Variants in CDKL1 observed in about 807,000 individuals in gnomAD.
CDKL1 encodes cyclin dependent kinase like 1.
In CDKL1, 41 loss-of-function variants were observed where a neutral mutation model predicts 42.0. That is an observed-to-expected ratio of 0.98 (90% CI 0.76 to 1.27). The LOEUF is 1.27. Among genes scored for constraint, CDKL1 ranks in the 50% most tolerant of loss-of-function variants. The pLI is 0.00. For synonymous variants in CDKL1, 153 were observed against 158.6 expected, an observed-to-expected ratio of 0.96 and a Z score of 0.26; for missense variants, 394 against 428.4, an observed-to-expected ratio of 0.92 and a Z score of 0.71.
At chr14:50,336,746 A>C (rs2033298228) in intron 7 of CDKL1, among the ~76,000 whole-genome samples, 1 of 152,190 alleles carries the variant, frequency 6.6e-6, no homozygotes, top group South Asian at 2.1e-4. Flanking sequence ...ATACAGGCTC[A>C]TTAGAAGACA....
intron 6 of CDKL1, among the ~76,000 whole-genome samples, chr14:50,340,134 G>T (rs898713292): frequency 6.6e-6 from 1 of 152,102 alleles, no homozygotes; most frequent in Non-Finnish European, 1.5e-5. Context: ...AATCACTAGA[G>T]GAAACACAGC....
rs1243747859 is a variant in CDKL1, at chr14:50,327,939, G to A, written c.*2135C>T. On this transcript the variant is annotated 3_prime_UTR_variant, in exon 10 of 10. Coordinates refer to ENST00000395834, the MANE Select transcript of CDKL1 (RefSeq NM_004196.7). ...ATCAGAAAATAGTAAATAAAAGGAT[G>A]TGGAAGAGTCTCATGTGATACAGTG... is the stretch of plus-strand genomic sequence containing the variant. 6.6e-6 allele frequency: 1 copy of A among 152,112 alleles called. No homozygotes were observed. Among genetic ancestry groups the A allele is most frequent in the Non-Finnish European group, 1.5e-5 (1 of 68,022 alleles). The allele number at this position is 152,112 out of a possible 1,614,324, so 9.4% of individuals were successfully genotyped here.
chr14:50,333,411 A>G (rs938585260), intron 8 of CDKL1: 4 of 152,244 alleles, frequency 2.6e-5, no homozygotes, highest in Non-Finnish European at 5.9e-5. Flanking sequence ...CACTTTCACC[A>G]GCACCATGAC....
chr14:50,360,565 G>A (rs113671243), intron 2 of CDKL1, among the ~76,000 whole-genome samples: 8 of 151,626 alleles, frequency 5.3e-5, no homozygotes, highest in African/African-American at 1.9e-4. Flanking sequence ...ACACCACCAT[G>A]CCCAGCTAAT....
At position 50,332,790 on chromosome 14, in the gene CDKL1, A is replaced by G. The variant is rs2033032423; in HGVS notation, c.796-358T>C. 6 of 786,492 alleles carry G rather than the reference A, an allele frequency of 7.6e-6. No homozygotes were observed. In the South Asian group the frequency reaches 1.0e-4, roughly 13 times the overall value. The allele number at this position is 786,492 out of a possible 1,614,324, so 48.7% of individuals were successfully genotyped here. A position where few individuals can be genotyped will look rare whatever the true frequency, so the allele number is the denominator to read the frequency against. On this transcript the variant is annotated intron_variant, in intron 8 of 9. Transcript: ENST00000395834. ...CCCTTGCATGTACTTTGTAAAAACTAGTGTTTTTATTTTAAAAATGATATT... is the reference window on the plus strand; with the variant it reads ...CCCTTGCATGTACTTTGTAAAAACTGGTGTTTTTATTTTAAAAATGATATT...
intron 2 of CDKL1, among the ~76,000 whole-genome samples, chr14:50,393,143 C>T (rs1269396569): frequency 2.0e-5 from 3 of 152,172 alleles, no homozygotes; most frequent in Admixed American, 6.5e-5. Flanking sequence ...ATCTCTCATT[C>T]CACGTTTCCC....
At chr14:50,374,545 A>T (rs2034676227) in intron 2 of CDKL1, among the ~76,000 whole-genome samples, 1 of 152,250 alleles carries the variant, frequency 6.6e-6, no homozygotes, top group Admixed American at 6.5e-5. Flanking sequence ...AAAAGCTGAT[A>T]CAGGTTTCCA....
At chr14:50,341,330 G>T in intron 5 of CDKL1, 98 bp from the exon 6 acceptor site, 1 of 1,449,512 alleles carries the variant, frequency 6.9e-7, no homozygotes, top group Admixed American at 2.8e-5. Flanking sequence ...CCAATTTTGT[G>T]GCCTTTCTAT....
intron 3 of CDKL1, among the ~76,000 whole-genome samples, chr14:50,353,554 G>A (rs367650243): frequency 2.0e-5 from 3 of 152,118 alleles, no homozygotes; most frequent in Non-Finnish European, 4.4e-5. Flanking sequence ...AAATATTTAC[G>A]AAAATGGTTT....
chr14:50,348,464 CAG>C (rs763948755), intron 3 of CDKL1, among the ~76,000 whole-genome samples: 13 of 152,176 alleles, frequency 8.5e-5, no homozygotes, highest in Non-Finnish European at 1.2e-4. Flanking sequence ...GTTCTGAAAA[CAG>C]GGGATTAAAG....
At chr14:50,397,125 A>G, upstream of CDKL1, 1 of 1,365,246 alleles carries the variant, frequency 7.3e-7, no homozygotes, top group Non-Finnish European at 9.8e-7. Flanking sequence ...GGCCGTGCAA[A>G]GCGCAGCTGT....
intron 2 of CDKL1, among the ~76,000 whole-genome samples, chr14:50,362,007 G>A (rs933049714): frequency 2.0e-5 from 3 of 152,194 alleles, no homozygotes; most frequent in Non-Finnish European, 4.4e-5. Flanking sequence ...GGCTTGGGGG[G>A]CCCGGCACTC....
intron 4 of CDKL1, among the ~76,000 whole-genome samples, chr14:50,344,705 C>A: frequency 6.6e-6 from 1 of 152,018 alleles, no homozygotes; most frequent in East Asian, 1.9e-4. Flanking sequence ...CTCCTGGGCT[C>A]AAGTGATCTG....
intron 2 of CDKL1, among the ~76,000 whole-genome samples, chr14:50,393,045 A>T (rs939695458): frequency 1.3e-5 from 2 of 152,102 alleles, no homozygotes; most frequent in African/African-American, 4.8e-5. Context: ...TGGCTAAGAC[A>T]CTGGGTTATT....
At chr14:50,364,474 A>C (rs2034382152) in intron 2 of CDKL1, among the ~76,000 whole-genome samples, 1 of 152,238 alleles carries the variant, frequency 6.6e-6, no homozygotes, top group Non-Finnish European at 1.5e-5. Context: ...GTCTCTAAAT[A>C]AATAAATAAA....
chr14:50,383,448 G>C (rs2034980589), intron 2 of CDKL1, among the ~76,000 whole-genome samples: 1 of 151,766 alleles, frequency 6.6e-6, no homozygotes, highest in Non-Finnish European at 1.5e-5. Context: ...TACTCAGGAG[G>C]CTGAGACAGG....
intron 3 of CDKL1, among the ~76,000 whole-genome samples, chr14:50,355,938 G>C (rs987737285): frequency 5.9e-5 from 9 of 152,202 alleles, no homozygotes; most frequent in Non-Finnish European, 1.0e-4. Flanking sequence ...GTAAGATCTT[G>C]TATCTCATGC....
intron 2 of CDKL1, among the ~76,000 whole-genome samples, chr14:50,385,545 C>T (rs770045486): frequency 5.9e-5 from 9 of 152,076 alleles, no homozygotes; most frequent in Non-Finnish European, 1.2e-4. Flanking sequence ...GTGGCTCACA[C>T]CTGTAATCCC....
rs571010492 is a variant in CDKL1, at chr14:50,367,351, C to T, written c.169-8202G>A. On this transcript the variant is annotated intron_variant, in intron 2 of 9. Transcript: ENST00000395834. ...AAGCCAGATTATGTGGACTTAACAT[C>T]TCAAACTACCTTACTCCTCTCTCTC... 6.6e-5 allele frequency among the ~76,000 whole-genome samples: 10 copies of T among 152,298 alleles called. No homozygotes were observed. In the South Asian group the frequency reaches 2.1e-3, roughly 32 times the overall value.
Sources: allele counts gnomAD v4.1 joint callset (sites outside exome capture counted in the v4.1 genomes callset), GRCh38; gene constraint gnomAD v4.1.1; transcripts MANE v1.5; gene names NCBI Gene and HGNC (gene_info 2026-07-23, HGNC 2026-07-21).